Variants in USP34 observed in about 807,000 individuals in gnomAD.
USP34 encodes ubiquitin specific peptidase 34.
A neutral mutation model predicts 460.3 loss-of-function variants in USP34; 70 were observed. The observed-to-expected ratio is 0.15, with a 90% CI of 0.13 to 0.19. USP34 has a LOEUF of 0.19. Ranked by LOEUF, USP34 falls within the 10% of genes least tolerant of loss-of-function variation. The pLI, the probability that USP34 is intolerant of heterozygous loss-of-function variation, is 1.00. For missense variants in USP34, 3,985 were observed against 4,236.2 expected (o/e 0.94, Z 1.65); for synonymous variants, 1,647 against 1,405.3 (o/e 1.17, Z -3.85).
rs200792751 is a variant in USP34, at chr2:61,461,856, T to C, written c.43+8794A>G. Among the ~76,000 whole-genome samples the C allele has an allele frequency of 3.9e-5, 6 of 152,302 alleles. No individual in the cohort carries two copies. In the East Asian group the frequency reaches 7.7e-4, roughly 20 times the overall value. On this transcript the variant is annotated intron_variant, in intron 1 of 79. Transcript: ENST00000398571. ...CAGGGATGTAGATAAAAGATTTAAG[T>C]AGAAAGATGTACATTTGCGGCATTA...
chr2:61,360,892 A>C (rs774804648), intron 10 of USP34, among the ~76,000 whole-genome samples: 2 of 152,192 alleles, frequency 1.3e-5, no homozygotes, highest in Non-Finnish European at 2.9e-5. Context: ...TCTGAGCTCA[A>C]GCTATCAGAA....
intron 5 of USP34, among the ~76,000 whole-genome samples, chr2:61,387,588 TA>T (rs1352624631): frequency 1.2e-4 from 17 of 147,206 alleles, no homozygotes; most frequent in African/African-American, 3.2e-4. Context: ...AAAATATATA[TA>T]TTTATATATA....
chr2:61,325,596 A>G (rs1691061103), intron 20 of USP34, 139 bp from the exon 21 acceptor site: 1 of 468,992 alleles, frequency 2.1e-6, no homozygotes, highest in African/African-American at 2.0e-5. Context: ...CTTTGGTTAC[A>G]CGAAAGAAGT....
intron 1 of USP34, among the ~76,000 whole-genome samples, chr2:61,442,406 C>CAAAAAAAAAAA (rs70963430): frequency 8.2e-6 from 1 of 121,446 alleles, no homozygotes; most frequent in Non-Finnish European, 1.7e-5. Flanking sequence ...ATCTTAACAG[C>CAAAAAAAAAAA]AAAAAAAAAA....
chr2:61,323,872 G>T (rs558021112), intron 21 of USP34, among the ~76,000 whole-genome samples: 67 of 152,238 alleles, frequency 4.4e-4, no homozygotes, highest in Non-Finnish European at 9.3e-4. Context: ...GTAATAACAC[G>T]AAAGAGAAAT....
rs1695937163 is a variant in USP34, at chr2:61,470,795, G to A, written c.-103C>T. On this transcript the variant is annotated 5_prime_UTR_variant, in exon 1 of 80. Transcript: ENST00000398571. ...GGCGGAGGAGGGGGCCGGCCGGCCGGCGGGGCGGGGAGGCGACTAGGGCGG... is the reference window on the plus strand; with the variant it reads ...GGCGGAGGAGGGGGCCGGCCGGCCGACGGGGCGGGGAGGCGACTAGGGCGG... 3 of 975,914 alleles carry A rather than the reference G, an allele frequency of 3.1e-6. No homozygotes were observed. Among genetic ancestry groups the A allele is most frequent in the Non-Finnish European group, 4.6e-6 (3 of 658,714 alleles). 60.5% of individuals were successfully genotyped at this position (975,914 alleles called of 1,614,324 possible).
rs1036501567 is a variant in USP34, at chr2:61,388,553, G to C, written c.754-5217C>G. 4.6e-5 allele frequency among the ~76,000 whole-genome samples: 7 copies of C among 151,182 alleles called. No individual in the cohort carries two copies. In the East Asian group the frequency reaches 1.2e-3, roughly 25 times the overall value. On this transcript the variant is annotated intron_variant, in intron 5 of 79. Coordinates refer to ENST00000398571, the MANE Select transcript of USP34 (RefSeq NM_014709.4). ...AGGCGGATCATGAGGTCAGGAGATC[G>C]AGACCATCCTAGCTAACACGGTGAA... is the stretch of plus-strand genomic sequence containing the variant.
At chr2:61,231,583 T>C (rs1181670826) in intron 58 of USP34, among the ~76,000 whole-genome samples, 1 of 151,936 alleles carries the variant, frequency 6.6e-6, no homozygotes, top group Non-Finnish European at 1.5e-5. Context: ...GGTGTGGTGG[T>C]GTGTGCTTGT....
At chr2:61,229,468 A>AAAAAAAC in intron 59 of USP34, 80 bp downstream of exon 59, 1 of 628,588 alleles carries the variant, frequency 1.6e-6, no homozygotes. Context: ...AAAAAAAAAA[A>AAAAAAAC]AAAAAAACAA....
chr2:61,236,770 C>A (rs1688081221), intron 53 of USP34, among the ~76,000 whole-genome samples: 1 of 152,160 alleles, frequency 6.6e-6, no homozygotes, highest in East Asian at 1.9e-4. Context: ...CTCTGGTTAG[C>A]AGACCTAAAT....
intron 1 of USP34, among the ~76,000 whole-genome samples, chr2:61,452,486 T>C (rs923375918): frequency 6.6e-6 from 1 of 151,776 alleles, no homozygotes; most frequent in East Asian, 2.0e-4. Flanking sequence ...CACCACACCC[T>C]ACTAATTTTT....
chr2:61,398,810 A>T (rs570033845), intron 3 of USP34, among the ~76,000 whole-genome samples: 1 of 152,356 alleles, frequency 6.6e-6, no homozygotes, highest in Non-Finnish European at 1.5e-5. Flanking sequence ...ACATTTCAAA[A>T]TAAACAAAAA....
Position 61,192,953 on chromosome 2 carries a change from G to A in USP34, c.9536C>T (p.Pro3179Leu), listed in dbSNP as rs552764261. 8 of 1,613,828 alleles carry A rather than the reference G, an allele frequency of 5.0e-6. No homozygotes were observed. The East Asian group carries it at 1.8e-4, about 36-fold the overall frequency. The change falls in exon 76 of 80, where the codon CCA becomes CTA. Residue 3179 changes from proline (P) to leucine (L), a missense_variant. By Grantham distance (98) the Pro-to-Leu change is moderately conservative (BLOSUM62 -3). Around this residue, in one of 14 missense-constraint regions of USP34, gnomAD observed 506 missense variants for 439.0 expected, o/e 1.15. Coordinates refer to ENST00000398571, the MANE Select transcript of USP34 (RefSeq NM_014709.4). ...TTTGGGGAACAGTGCAAGATGAAGT[G>A]GCAAACCTTCATAGGCAACTAGGAC... The part of the protein sequence containing the change: ...LSVLVAYEGL[P>L]LHLALFPKLW...
intron 43 of USP34, among the ~76,000 whole-genome samples, chr2:61,263,783 G>A (rs563102023): frequency 8.5e-5 from 13 of 152,186 alleles, no homozygotes; most frequent in East Asian, 3.9e-4. Flanking sequence ...CACCCCACAC[G>A]CAGCTAATTT....
intron 16 of USP34, among the ~76,000 whole-genome samples, chr2:61,341,851 C>T (rs1175333702): frequency 6.6e-6 from 1 of 150,896 alleles, no homozygotes; most frequent in African/African-American, 2.4e-5. Flanking sequence ...ACCTCCCCGC[C>T]TCTCAGGTTC....
At chr2:61,286,435 C>G (rs887122961) in intron 34 of USP34, among the ~76,000 whole-genome samples, 1 of 152,098 alleles carries the variant, frequency 6.6e-6, no homozygotes, top group Non-Finnish European at 1.5e-5. Flanking sequence ...GCAGGAGGAT[C>G]ACTTGAGGTC....
chr2:61,293,280 C>T (rs1430301912), intron 33 of USP34, among the ~76,000 whole-genome samples, 184 bp downstream of exon 33: 1 of 152,044 alleles, frequency 6.6e-6, no homozygotes, highest in African/African-American at 2.4e-5. Flanking sequence ...TTTTTTAATA[C>T]TGATAACATG....
intron 50 of USP34, among the ~76,000 whole-genome samples, chr2:61,245,973 C>G (rs1452067175): frequency 6.6e-6 from 1 of 152,092 alleles, no homozygotes. Flanking sequence ...ACAAGCAGAG[C>G]ATGCAGGTAA....
At chr2:61,404,852 G>C (rs562480767) in intron 3 of USP34, among the ~76,000 whole-genome samples, 29 of 152,226 alleles carry the variant, frequency 1.9e-4, no homozygotes, top group African/African-American at 7.0e-4. Context: ...TCTGAGTTAA[G>C]TCTAAGATAG....
Sources: gnomAD v4.1 joint callset for allele counts (sites outside exome capture counted in the v4.1 genomes callset) on GRCh38, gnomAD v4.1.1 for gene constraint, gnomAD v4.1.1 regional missense constraint, MANE v1.5 for transcripts, NCBI Gene and HGNC (gene_info 2026-07-23, HGNC 2026-07-21) for gene names.